Variants in SPATA7 observed in about 807,000 individuals in gnomAD.
The protein encoded by SPATA7 is spermatogenesis-associated protein 7.
In SPATA7, 43 loss-of-function variants were observed where a neutral mutation model predicts 51.8. The ratio of observed to expected loss-of-function variants is 0.83; its 90% CI spans 0.65 to 1.07. The LOEUF (loss-of-function observed/expected upper bound fraction) is 1.07. Among genes scored for constraint, SPATA7 ranks in the 50% least tolerant of loss-of-function variants. The pLI is 0.00. For missense variants in SPATA7, 683 were observed against 701.3 expected, an observed-to-expected ratio of 0.97 and a Z score of 0.30; for synonymous variants, 230 against 252.8, an observed-to-expected ratio of 0.91 and a Z score of 0.86.
At chr14:88,389,475 G>A (rs1309062318) in intron 1 of SPATA7, among the ~76,000 whole-genome samples, 1 of 152,090 alleles carries the variant, frequency 6.6e-6, no homozygotes, top group Non-Finnish European at 1.5e-5. Context: ...AAAGTGCTGG[G>A]ATTACAAGCA....
In SPATA7 at chr14:88,397,170, G is replaced by A. The variant is rs561755468; in HGVS notation, c.238+967G>A. On this transcript the variant is annotated intron_variant, in intron 4 of 11. Transcript: ENST00000393545. Reference sequence around the variant, plus strand: ...CCCCCAAAGTGCTGGGATTATAGGCGTGAGCCACTGCACCCAGTGACCATA... The same window carrying A: ...CCCCCAAAGTGCTGGGATTATAGGCATGAGCCACTGCACCCAGTGACCATA... Among the ~76,000 whole-genome samples the A allele has an allele frequency of 6.6e-5, 10 of 152,268 alleles. No homozygotes were observed. In the South Asian group the frequency reaches 8.3e-4, roughly 13 times the overall value.
chr14:88,466,589 G>C (rs1248567344), intron 4 of SPATA7: 1 of 152,210 alleles, frequency 6.6e-6, no homozygotes, highest in Non-Finnish European at 1.5e-5. Context: ...AAAAGGGAAA[G>C]GGTTCCTCAG....
chr14:88,416,819 A>G lies in SPATA7; in HGVS notation c.347A>G (p.Lys116Arg). 1 of 1,602,718 alleles carries G rather than the reference A, an allele frequency of 6.2e-7. No homozygotes were observed. The highest frequency in any genetic ancestry group is 8.5e-7 in the Non-Finnish European group (1 of 1,170,172). Residue 116 changes from lysine (K) to arginine (R), a missense_variant, in exon 5 of 12, where the codon AAG becomes AGG. Transcript: ENST00000393545. The stretch of plus-strand genomic sequence containing the variant: ...CGAGCCAATTATAAAAATAATTCCA[A>G]GTCACTTTTTAATACCTTACAAAAG... ...AMRANYKNNS[K>R]SLFNTLQKPS...
chr14:88,423,159 C>T (rs971242787), intron 5 of SPATA7, among the ~76,000 whole-genome samples: 2 of 152,070 alleles, frequency 1.3e-5, no homozygotes, highest in African/African-American at 4.8e-5. Context: ...TGCTCCCATA[C>T]TACTCGTTTG....
chr14:88,447,713 G>A (rs2077224200), intron 3 of SPATA7, among the ~76,000 whole-genome samples: 1 of 151,994 alleles, frequency 6.6e-6, no homozygotes, highest in Non-Finnish European at 1.5e-5. Context: ...TTGCTTGTCT[G>A]TAAAGGATTT....
At chr14:88,434,664 C>T (rs1432647681) in intron 10 of SPATA7, among the ~76,000 whole-genome samples, 11 of 138,630 alleles carry the variant, frequency 7.9e-5, no homozygotes, top group African/African-American at 2.4e-4. Flanking sequence ...CCATCTTGGG[C>T]GACAGAGTGA....
chr14:88,431,896 C>T (rs548074125), intron 9 of SPATA7, among the ~76,000 whole-genome samples: 3 of 152,200 alleles, frequency 2.0e-5, no homozygotes, highest in East Asian at 1.9e-4. Flanking sequence ...GGATATCAAT[C>T]GTATAATACA....
chr14:88,396,222 T>C lies in SPATA7; in HGVS notation c.238+19T>C, dbSNP rs769180883. ...ATAAAGTGTAAGTAATTTTTGGACA[T>C]TATTACCTTTTTAAAAAAAAATTAA... On this transcript the variant is annotated intron_variant, in intron 4 of 11. Transcript: ENST00000393545. 1.3e-6 allele frequency: 2 copies of C among 1,588,142 alleles called. No individual in the cohort carries two copies. The highest frequency in any genetic ancestry group is 2.2e-5 in the South Asian group (2 of 90,130).
chr14:88,455,209 A>G (rs2140054059), exon 4 of SPATA7: 2 of 425,572 alleles, frequency 4.7e-6, no homozygotes, highest in South Asian at 1.7e-5. Context: ...TCTTTATTCA[A>G]GTGTATTAAT....
intron 5 of SPATA7, among the ~76,000 whole-genome samples, chr14:88,423,230 T>G (rs906473757): frequency 6.6e-6 from 1 of 151,988 alleles, no homozygotes; most frequent in Non-Finnish European, 1.5e-5. Context: ...GGGTGTGAGC[T>G]TTATTTCTGA....
At chr14:88,388,264 A>G (rs1403963262) in intron 1 of SPATA7, among the ~76,000 whole-genome samples, 1 of 152,138 alleles carries the variant, frequency 6.6e-6, no homozygotes, top group Admixed American at 6.5e-5. Context: ...AGATTTCCAA[A>G]CCTTTGGTTT....
At position 88,469,567 on chromosome 14, in the gene SPATA7, G is replaced by A. The variant is rs780694032; in HGVS notation, c.255-280G>A. ...GTCTGTGTATTGGAGGTGCCAGACG[G>A]TCCTCTCTTGCCCAGTAAGGAGGTG... On this transcript the variant is annotated intron_variant, in intron 4 of 4. Transcript: ENST00000556406. This position sits in a 1 kb window ranked among gnomAD's most constrained non-coding sequence, Gnocchi z 4.3. 3.7e-6 allele frequency: 6 copies of A among 1,614,144 alleles called. No individual in the cohort carries two copies. Among genetic ancestry groups the A allele is most frequent in the Middle Eastern group, 1.6e-4 (1 of 6,062 alleles).
Position 88,438,104 on chromosome 14 carries a change from T to C in SPATA7, c.1482T>C (p.Pro494=). The C allele has an allele frequency of 6.2e-7, 1 of 1,614,092 alleles. No homozygotes were observed. Among genetic ancestry groups the C allele is most frequent in the Non-Finnish European group, 8.5e-7 (1 of 1,179,998 alleles). Residue 494 remains proline (P), a synonymous_variant, in exon 12 of 12, where the codon CCT becomes CCC. Coordinates refer to ENST00000393545, the MANE Select transcript of SPATA7 (RefSeq NM_018418.5). ...IFPSPTEFFM[P]IYKSKHSEGV... ...CTTCACCAACTGAATTTTTCATGCCTATTTATAAATCAAAGCATTCAGAAG... is the reference window on the plus strand; with the variant it reads ...CTTCACCAACTGAATTTTTCATGCCCATTTATAAATCAAAGCATTCAGAAG...
intron 4 of SPATA7, chr14:88,416,121 T>G (rs1233080667): frequency 1.3e-5 from 2 of 152,586 alleles, no homozygotes; most frequent in African/African-American, 4.8e-5. Context: ...TGCAGAATCA[T>G]GAGCCAATTA....
At chr14:88,391,077 A>G (rs373719131) in intron 1 of SPATA7, among the ~76,000 whole-genome samples, 6 of 152,174 alleles carry the variant, frequency 3.9e-5, no homozygotes, top group African/African-American at 1.4e-4. Flanking sequence ...TATATCTTCT[A>G]GACTTTCTAT....
intron 4 of SPATA7, among the ~76,000 whole-genome samples, chr14:88,460,514 T>G (rs1369737561): frequency 1.3e-5 from 2 of 152,262 alleles, no homozygotes; most frequent in South Asian, 4.1e-4. Context: ...CTACTGAAGC[T>G]TGTGCATTCA....
intron 3 of SPATA7, among the ~76,000 whole-genome samples, chr14:88,393,867 CTTACA>C (rs1343957149): frequency 3.3e-5 from 5 of 152,002 alleles, no homozygotes; most frequent in Non-Finnish European, 7.4e-5. Flanking sequence ...TGAGATAAAA[CTTACA>C]TTATAAAATG....
intron 2 of SPATA7, among the ~76,000 whole-genome samples, chr14:88,392,689 C>A (rs1339149089): frequency 6.6e-6 from 1 of 152,050 alleles, no homozygotes; most frequent in African/African-American, 2.4e-5. Context: ...GCCATTTTAG[C>A]TGTTGAATTT....
chr14:88,426,604 G>A lies in SPATA7; in HGVS notation c.745G>A (p.Ala249Thr), dbSNP rs946409225. 1 of 1,613,818 alleles carries A rather than the reference G, an allele frequency of 6.2e-7. No individual in the cohort carries two copies. The highest frequency in any genetic ancestry group is 1.3e-5 in the African/African-American group (1 of 74,878). Residue 249 changes from alanine to threonine, a missense_variant, in exon 6 of 12, where the codon GCA (alanine) becomes ACA (threonine). Coordinates refer to ENST00000393545, the MANE Select transcript of SPATA7 (RefSeq NM_018418.5). ...PFTPRTLKTEAKSFLSQYRYY... is the reference protein window; with the variant it reads ...PFTPRTLKTETKSFLSQYRYY... The stretch of plus-strand genomic sequence containing the variant: ...CACTCCTCGCACTTTAAAAACAGAA[G>A]CAAAATCTTTCCTGTCACAGTATCG...
Sources: gnomAD v4.1 joint callset for allele counts (sites outside exome capture counted in the v4.1 genomes callset) on GRCh38, gnomAD v4.1.1 for gene constraint, Gnocchi (gnomAD v3.1) non-coding constraint, MANE v1.5 for transcripts, NCBI Gene and HGNC (gene_info 2026-07-23, HGNC 2026-07-21) for gene names.